RBFOX1: variants seen among roughly 807,000 people sequenced by gnomAD.
The protein encoded by RBFOX1 is RNA binding protein fox-1 homolog 1.
In RBFOX1, 8 loss-of-function variants were observed where a neutral mutation model predicts 57.7. That is an observed-to-expected ratio of 0.14 (90% CI 0.08 to 0.25). RBFOX1 has a LOEUF of 0.25. RBFOX1 is among the 10% of genes least tolerant of loss of function. RBFOX1 has a pLI of 1.00. For synonymous variants in RBFOX1, 326 were observed against 222.4 expected (o/e 1.47, Z -4.15); for missense variants, 611 against 548.5 (o/e 1.11, Z -1.14).
chr16:6,362,303 C>G (rs2152871721), intron 2 of RBFOX1, among the ~76,000 whole-genome samples: 1 of 152,218 alleles, frequency 6.6e-6, no homozygotes. Flanking sequence ...CTTCATTTGC[C>G]TAATTCTTCA....
At chr16:7,618,837 G>C (rs539807039) in intron 10 of RBFOX1, among the ~76,000 whole-genome samples, 1 of 152,304 alleles carries the variant, frequency 6.6e-6, no homozygotes, top group South Asian at 2.1e-4. Flanking sequence ...ATCAGTGACA[G>C]TTAATGCATT....
chr16:5,712,778 G>C (rs1021847689), intron 3 of RBFOX1, among the ~76,000 whole-genome samples: 4 of 152,272 alleles, frequency 2.6e-5, no homozygotes, highest in Admixed American at 6.5e-5. Context: ...GAAATTTCCT[G>C]GCTCCCTCTG....
intron 3 of RBFOX1, among the ~76,000 whole-genome samples, chr16:6,959,803 G>A (rs1178021737): frequency 2.6e-5 from 4 of 152,106 alleles, no homozygotes; most frequent in Non-Finnish European, 5.9e-5. Flanking sequence ...CGGGTGTGTT[G>A]GCAGGCACCT....
chr16:7,064,277 T>A (rs2055371489), intron 4 of RBFOX1, among the ~76,000 whole-genome samples: 1 of 150,462 alleles, frequency 6.6e-6, no homozygotes, highest in African/African-American at 2.4e-5. Context: ...CAAGTAATTG[T>A]CTTGCCTCAG....
intron 3 of RBFOX1, among the ~76,000 whole-genome samples, chr16:5,757,619 G>C (rs1454514295): frequency 2.0e-5 from 3 of 152,130 alleles, no homozygotes; most frequent in East Asian, 3.9e-4. Flanking sequence ...GAGAGACCAG[G>C]AAATGTGGTG....
intron 1 of RBFOX1, among the ~76,000 whole-genome samples, chr16:5,262,763 G>C (rs546235111): frequency 2.1e-4 from 32 of 152,306 alleles, no homozygotes; most frequent in African/African-American, 6.7e-4. Context: ...AGACTGGGGT[G>C]CTGATGGGGA....
At chr16:6,795,048 C>A (rs1017673445) in intron 3 of RBFOX1, among the ~76,000 whole-genome samples, 1 of 152,130 alleles carries the variant, frequency 6.6e-6, no homozygotes. Flanking sequence ...CACATTTTCT[C>A]TTGATAGTTG....
intron 1 of RBFOX1, among the ~76,000 whole-genome samples, chr16:5,402,191 G>A (rs887993398): frequency 8.5e-5 from 13 of 152,116 alleles, no homozygotes; most frequent in Non-Finnish European, 5.9e-5. Context: ...TCTGTGACAG[G>A]CTGGGTCACT....
intron 4 of RBFOX1, among the ~76,000 whole-genome samples, chr16:7,460,389 A>ATATATATATATATATATATGTGTGTGTG: frequency 4.6e-4 from 40 of 87,182 alleles, no homozygotes; most frequent in African/African-American, 2.3e-3. Flanking sequence ...ATATATATAT[A>ATATATATATATATATATATGTGTGTGTG]TGTGTGTGTG....
At chr16:7,359,261 T>C (rs767469222) in intron 4 of RBFOX1, among the ~76,000 whole-genome samples, 1 of 152,164 alleles carries the variant, frequency 6.6e-6, no homozygotes, top group Admixed American at 6.5e-5. Context: ...TGAACTATCA[T>C]AGGATATGTA....
chr16:5,969,325 G>GTTTTTTTTTTTTTTTTTTTTT (rs1392384342), intron 4 of RBFOX1, among the ~76,000 whole-genome samples: 8 of 120,648 alleles, frequency 6.6e-5, no homozygotes, highest in Non-Finnish European at 6.6e-5. Flanking sequence ...TTTTTTTTTG[G>GTTTTTTTTTTTTTTTTTTTTT]TTTGGAAATG....
chr16:6,946,139 G>A (rs1302359275), intron 3 of RBFOX1, among the ~76,000 whole-genome samples: 1 of 152,212 alleles, frequency 6.6e-6, no homozygotes, highest in Non-Finnish European at 1.5e-5. Flanking sequence ...TGCTTCTCAA[G>A]TGGGATAACT....
intron 1 of RBFOX1, among the ~76,000 whole-genome samples, chr16:5,301,087 T>C (rs1429899998): frequency 6.6e-6 from 1 of 152,218 alleles, no homozygotes; most frequent in African/African-American, 2.4e-5. Flanking sequence ...GACTCACTTG[T>C]AATGAATAGA....
rs150357685 is a variant in RBFOX1, at chr16:6,753,826, C to G, written c.-16+99176C>G. On this transcript the variant is annotated intron_variant, in intron 3 of 15. Coordinates refer to ENST00000550418, the MANE Select transcript of RBFOX1 (RefSeq NM_018723.4). ...TGCCTGCTCTACATTGATTGAGTTTCCTGGGCTTGAGGGATTTTTGCCGAG... is the reference window on the plus strand; with the variant it reads ...TGCCTGCTCTACATTGATTGAGTTTGCTGGGCTTGAGGGATTTTTGCCGAG... 1.1e-3 allele frequency among the ~76,000 whole-genome samples: 173 copies of G among 152,162 alleles called. 1 individual carries two copies. In the East Asian group the frequency reaches 0.032, roughly 28 times the overall value.
chr16:7,117,665 C>T (rs1164961460), intron 4 of RBFOX1, among the ~76,000 whole-genome samples: 1 of 152,178 alleles, frequency 6.6e-6, no homozygotes, highest in Non-Finnish European at 1.5e-5. Flanking sequence ...CACATTACCA[C>T]CTGCAGAAGC....
intron 3 of RBFOX1, among the ~76,000 whole-genome samples, chr16:5,783,098 A>G (rs115937503): frequency 6.6e-6 from 1 of 152,362 alleles, no homozygotes; most frequent in African/African-American, 2.4e-5. Context: ...GCAAGCAGAC[A>G]GATAAGATTA....
chr16:6,812,612 A>T (rs1166183182), intron 3 of RBFOX1, among the ~76,000 whole-genome samples: 2 of 152,092 alleles, frequency 1.3e-5, no homozygotes, highest in Non-Finnish European at 2.9e-5. Flanking sequence ...CCTGACCTCA[A>T]TTGATCCACC....
intron 3 of RBFOX1, among the ~76,000 whole-genome samples, chr16:5,631,339 A>AGT (rs2048499898): frequency 6.6e-6 from 1 of 152,196 alleles, no homozygotes; most frequent in Non-Finnish European, 1.5e-5. Flanking sequence ...CAGGTGGATC[A>AGT]CGAGGTCAGG....
intron 1 of RBFOX1, among the ~76,000 whole-genome samples, chr16:5,466,259 T>G (rs1192711524): frequency 6.6e-6 from 1 of 152,176 alleles, no homozygotes; most frequent in Non-Finnish European, 1.5e-5. Context: ...CCATACAGTG[T>G]CTGTGCAGTG....
Sources: allele counts gnomAD v4.1 joint callset (sites outside exome capture counted in the v4.1 genomes callset), GRCh38; gene constraint gnomAD v4.1.1; transcripts MANE v1.5; gene names NCBI Gene and HGNC (gene_info 2026-07-23, HGNC 2026-07-21).